Variants in LRRTM4 observed in about 807,000 individuals in gnomAD.
LRRTM4 encodes leucine rich repeat transmembrane neuronal 4.
Under a neutral mutation model 47.6 loss-of-function variants are expected in LRRTM4, and 25 were observed. The ratio of observed to expected loss-of-function variants is 0.53; its 90% CI spans 0.38 to 0.73. The LOEUF (loss-of-function observed/expected upper bound fraction) is 0.73, where lower values mean the gene tolerates loss of function less well. Ranked by LOEUF, LRRTM4 falls within the 30% of genes least tolerant of loss-of-function variation. The pLI, the probability that LRRTM4 is intolerant of heterozygous loss-of-function variation, is 0.00. For missense variants in LRRTM4, 638 were observed against 713.4 expected, an observed-to-expected ratio of 0.89 and a Z score of 1.20; for synonymous variants, 311 against 269.5, an observed-to-expected ratio of 1.15 and a Z score of -1.51.
At chr2:76,912,161 C>G (rs1001815382) in intron 3 of LRRTM4, among the ~76,000 whole-genome samples, 13 of 152,062 alleles carry the variant, frequency 8.5e-5, no homozygotes, top group Non-Finnish European at 1.5e-4. Flanking sequence ...CCTTGTGATC[C>G]CCCCGCCTCG....
chr2:76,861,245 T>A (rs1672303587), intron 3 of LRRTM4, among the ~76,000 whole-genome samples: 3 of 152,206 alleles, frequency 2.0e-5, no homozygotes, highest in East Asian at 3.8e-4. Context: ...TTATATTCAT[T>A]CTTGTATTCT....
At chr2:77,184,057 A>C (rs1673431566) in intron 3 of LRRTM4, among the ~76,000 whole-genome samples, 1 of 152,164 alleles carries the variant, frequency 6.6e-6, no homozygotes, top group South Asian at 2.1e-4. Flanking sequence ...CATTGTGCAC[A>C]TGTACCCTAA....
chr2:76,994,196 T>C (rs36124134), intron 3 of LRRTM4, among the ~76,000 whole-genome samples: 19,810 of 151,774 alleles, frequency 0.13, 1,573 homozygotes, highest in Non-Finnish European at 0.18. Flanking sequence ...ATTAGTTGTA[T>C]CCCAAACGTC....
At chr2:77,437,689 G>A (rs767527881) in intron 3 of LRRTM4, among the ~76,000 whole-genome samples, 5 of 152,104 alleles carry the variant, frequency 3.3e-5, no homozygotes, top group Non-Finnish European at 7.4e-5. Context: ...GATAGAAAAT[G>A]TAAGGCCAGA....
intron 3 of LRRTM4, among the ~76,000 whole-genome samples, chr2:77,424,654 T>A (rs995305579): frequency 6.6e-6 from 1 of 152,228 alleles, no homozygotes; most frequent in Non-Finnish European, 1.5e-5. Context: ...CATCAAGTAA[T>A]ACTTTAGTGA....
At chr2:76,917,581 G>A (rs1035590929) in intron 3 of LRRTM4, among the ~76,000 whole-genome samples, 4 of 152,130 alleles carry the variant, frequency 2.6e-5, no homozygotes, top group South Asian at 2.1e-4. Context: ...CAAGGTCACC[G>A]AGTACTGTAA....
intron 3 of LRRTM4, among the ~76,000 whole-genome samples, chr2:77,371,480 T>C (rs1421619544): frequency 1.3e-5 from 2 of 151,770 alleles, no homozygotes; most frequent in East Asian, 1.9e-4. Flanking sequence ...TTTAAGCAGA[T>C]AGCATGACAA....
At chr2:77,264,932 G>C (rs549589652) in intron 3 of LRRTM4, among the ~76,000 whole-genome samples, 10 of 152,076 alleles carry the variant, frequency 6.6e-5, no homozygotes, top group Non-Finnish European at 1.2e-4. Context: ...TTTTAGTGGA[G>C]TGTTTAGCAG....
At chr2:77,083,783 CTTTTTTTTT>C (rs386390525) in intron 3 of LRRTM4, among the ~76,000 whole-genome samples, 6,969 of 52,280 alleles carry the variant, frequency 0.13, 747 homozygotes, top group East Asian at 0.24. Flanking sequence ...ACTGGACACA[CTTTTTTTTT>C]TTTTTTTTTT....
At chr2:77,237,275 T>G (rs1675127932) in intron 3 of LRRTM4, among the ~76,000 whole-genome samples, 1 of 151,956 alleles carries the variant, frequency 6.6e-6, no homozygotes, top group South Asian at 2.1e-4. Flanking sequence ...CTTGGGAGAT[T>G]GTGTCTTTGT....
At chr2:77,076,420 G>GA (rs11435199) in intron 3 of LRRTM4, among the ~76,000 whole-genome samples, 7,068 of 129,958 alleles carry the variant, frequency 0.054, 189 homozygotes, top group African/African-American at 0.1. Flanking sequence ...AACAGTTTCA[G>GA]CCCGTTACTC....
intron 3 of LRRTM4, among the ~76,000 whole-genome samples, chr2:76,900,309 TGATA>T (rs1043774797): frequency 4.5e-4 from 67 of 150,050 alleles, no homozygotes; most frequent in African/African-American, 1.6e-3. Context: ...TGTGGGATAC[TGATA>T]TATATAGTTT....
At chr2:77,343,846 A>G (rs1671463572) in intron 3 of LRRTM4, among the ~76,000 whole-genome samples, 1 of 151,892 alleles carries the variant, frequency 6.6e-6, no homozygotes, top group Admixed American at 6.6e-5. Context: ...AGCTTCTCTG[A>G]AGAAAAATTA....
intron 3 of LRRTM4, among the ~76,000 whole-genome samples, chr2:77,017,376 C>T (rs1421478963): frequency 1.3e-5 from 2 of 152,122 alleles, no homozygotes; most frequent in Admixed American, 6.6e-5. Context: ...AGAACAAATG[C>T]CATCCTTATT....
At chr2:77,231,220 C>G (rs368618180) in intron 3 of LRRTM4, among the ~76,000 whole-genome samples, 3 of 151,754 alleles carry the variant, frequency 2.0e-5, no homozygotes, top group African/African-American at 7.3e-5. Context: ...CACACACACA[C>G]ATGCACACAC....
intron 3 of LRRTM4, among the ~76,000 whole-genome samples, chr2:77,329,837 G>A (rs991084099): frequency 3.3e-5 from 5 of 152,160 alleles, no homozygotes; most frequent in Non-Finnish European, 5.9e-5. Context: ...GGTCTTGAAA[G>A]AGGTAGAAAA....
At chr2:77,144,944 A>T (rs187704012) in intron 3 of LRRTM4, among the ~76,000 whole-genome samples, 40 of 152,314 alleles carry the variant, frequency 2.6e-4, no homozygotes, top group Admixed American at 8.5e-4. Flanking sequence ...GAAATTAGAA[A>T]TGTATGCTTG....
chr2:77,348,788 CAA>C (rs894559241), intron 3 of LRRTM4, among the ~76,000 whole-genome samples: 14 of 82,320 alleles, frequency 1.7e-4, no homozygotes, highest in African/African-American at 4.9e-4. Context: ...AACATTAATA[CAA>C]AATATATATA....
At chr2:76,947,562 C>A (rs1276631175) in intron 3 of LRRTM4, among the ~76,000 whole-genome samples, 1 of 151,694 alleles carries the variant, frequency 6.6e-6, no homozygotes, top group Non-Finnish European at 1.5e-5. Flanking sequence ...TCTTATCTAA[C>A]CCTTTTTTGT....
Sources: gnomAD v4.1 joint callset for allele counts (sites outside exome capture counted in the v4.1 genomes callset) on GRCh38, gnomAD v4.1.1 for gene constraint, MANE v1.5 for transcripts, NCBI Gene and HGNC (gene_info 2026-07-23, HGNC 2026-07-21) for gene names.